Variants in DPP6 observed in about 807,000 individuals in gnomAD.
DPP6 encodes the protein A-type potassium channel modulatory protein DPP6.
DPP6 carries 69 observed loss-of-function variants against 122.6 expected under a neutral mutation model. That is an observed-to-expected ratio of 0.56 (90% CI 0.46 to 0.69). The LOEUF (loss-of-function observed/expected upper bound fraction) is 0.69. DPP6 is among the 30% of genes least tolerant of loss of function. The pLI, the probability that DPP6 is intolerant of heterozygous loss-of-function variation, is 0.00. For synonymous variants in DPP6, 418 were observed against 433.1 expected (o/e 0.97, Z 0.43); for missense variants, 928 against 1,116.9 (o/e 0.83, Z 2.41).
At chr7:154,846,487 G>T (rs1171390888) in intron 16 of DPP6, among the ~76,000 whole-genome samples, 1 of 152,220 alleles carries the variant, frequency 6.6e-6, no homozygotes, top group African/African-American at 2.4e-5. Context: ...TTAGCGGAAA[G>T]TCAGCTTCCT....
At chr7:154,211,908 A>G (rs931216296) in intron 1 of DPP6, among the ~76,000 whole-genome samples, 2 of 152,110 alleles carry the variant, frequency 1.3e-5, no homozygotes, top group Non-Finnish European at 2.9e-5. Flanking sequence ...CCCCATTATG[A>G]ATTGACGTGG....
chr7:154,610,334 G>A (rs972105110), intron 5 of DPP6, among the ~76,000 whole-genome samples: 3 of 152,070 alleles, frequency 2.0e-5, no homozygotes, highest in Non-Finnish European at 4.4e-5. Flanking sequence ...CAGAAATCTA[G>A]GTAAAAAATA....
At chr7:154,200,933 G>T (rs1345918402) in intron 1 of DPP6, among the ~76,000 whole-genome samples, 1 of 151,728 alleles carries the variant, frequency 6.6e-6, no homozygotes, top group Non-Finnish European at 1.5e-5. Flanking sequence ...CTTAGAATTG[G>T]TTTCCTTTAA....
chr7:154,073,019 T>C (rs1322500663), intron 1 of DPP6, among the ~76,000 whole-genome samples: 1 of 152,230 alleles, frequency 6.6e-6, no homozygotes, highest in Admixed American at 6.5e-5. Flanking sequence ...CACCCTCCTG[T>C]GAGTCCTCCT....
At chr7:154,278,437 G>A (rs959916289) in intron 1 of DPP6, among the ~76,000 whole-genome samples, 2 of 152,238 alleles carry the variant, frequency 1.3e-5, no homozygotes, top group Non-Finnish European at 2.9e-5. Context: ...TGGAACTCCA[G>A]CTGCTGCTGT....
In DPP6 at chr7:154,481,830, T is replaced by C. The variant is rs1823330990; in HGVS notation, c.457+6793T>C. On this transcript the variant is annotated intron_variant, in intron 3 of 25. Transcript: ENST00000377770. This position sits in a 1 kb window ranked among gnomAD's most constrained non-coding sequence, Gnocchi z 4.2. The stretch of plus-strand genomic sequence containing the variant: ...CATTGACTCTTCTGGTTTTGGATTC[T>C]CCTATATCCTGCACTGACCCTTTTG... Among the ~76,000 whole-genome samples the C allele has an allele frequency of 6.6e-6, 1 of 152,196 alleles. No individual in the cohort carries two copies. The highest frequency in any genetic ancestry group is 2.1e-4 in the South Asian group (1 of 4,830).
chr7:154,567,180 A>T (rs75374191), intron 5 of DPP6, among the ~76,000 whole-genome samples: 1 of 152,204 alleles, frequency 6.6e-6, no homozygotes, highest in African/African-American at 2.4e-5. Context: ...TTGTCTCTTC[A>T]TAGACACAAA....
At chr7:153,802,888 C>T in the DPP6 span, among the ~76,000 whole-genome samples, 1 of 152,132 alleles carries the variant, frequency 6.6e-6, no homozygotes, top group Non-Finnish European at 1.5e-5. Flanking sequence ...TGGTCTTGTC[C>T]AGCTGAAACA....
intron 1 of DPP6, among the ~76,000 whole-genome samples, chr7:154,192,770 G>A (rs948489997): frequency 1.4e-4 from 22 of 152,202 alleles, no homozygotes; most frequent in African/African-American, 5.1e-4. Flanking sequence ...ATAGAATCTC[G>A]TGCAAACAGG....
At chr7:154,153,320 G>C (rs1372074365) in intron 1 of DPP6, among the ~76,000 whole-genome samples, 2 of 152,092 alleles carry the variant, frequency 1.3e-5, no homozygotes, top group Non-Finnish European at 2.9e-5. Context: ...TAAGTAGCAG[G>C]GATTACAGGC....
intron 7 of DPP6, among the ~76,000 whole-genome samples, chr7:154,678,853 C>G (rs1839101757): frequency 6.6e-6 from 1 of 152,188 alleles, no homozygotes. Context: ...AGTCTGTTAA[C>G]TGAAGTAACA....
At chr7:154,666,891 T>G (rs1219188809) in intron 6 of DPP6, among the ~76,000 whole-genome samples, 1 of 152,174 alleles carries the variant, frequency 6.6e-6, no homozygotes, top group Non-Finnish European at 1.5e-5. Flanking sequence ...AGTGTGTACT[T>G]TATTAGGTAT....
intron 1 of DPP6, among the ~76,000 whole-genome samples, chr7:154,119,414 A>G (rs1420548316): frequency 6.6e-6 from 1 of 152,014 alleles, no homozygotes; most frequent in African/African-American, 2.4e-5. Flanking sequence ...AGAGAGGAAG[A>G]CAGGGGTTTA....
chr7:153,876,536 T>G, the DPP6 span, among the ~76,000 whole-genome samples: 9,488 of 152,120 alleles, frequency 0.062, 464 homozygotes, highest in East Asian at 0.23. Flanking sequence ...TTTAAATATT[T>G]GTAAATTATT....
chr7:153,965,891 C>T (rs1271076108), intron 1 of DPP6, among the ~76,000 whole-genome samples: 1 of 151,936 alleles, frequency 6.6e-6, no homozygotes, highest in African/African-American at 2.4e-5. Flanking sequence ...AAAAAAGTTA[C>T]CTGCTTTCAG....
At chr7:153,895,849 A>C (rs1799393289) in intron 1 of DPP6, among the ~76,000 whole-genome samples, 1 of 152,188 alleles carries the variant, frequency 6.6e-6, no homozygotes, top group African/African-American at 2.4e-5. Context: ...CTGTGGGTGC[A>C]ATCACTTTGA....
intron 1 of DPP6, among the ~76,000 whole-genome samples, chr7:153,888,276 T>C (rs979054995): frequency 1.3e-5 from 2 of 152,072 alleles, no homozygotes; most frequent in African/African-American, 2.4e-5. Flanking sequence ...GCTCCCTGGA[T>C]TGGGGACGCT....
At chr7:154,126,872 A>G (rs1456865609) in intron 1 of DPP6, among the ~76,000 whole-genome samples, 26 of 152,300 alleles carry the variant, frequency 1.7e-4, no homozygotes, top group Non-Finnish European at 3.7e-4. Flanking sequence ...CTTTCTGTGT[A>G]ATTTGAGTCA....
intron 8 of DPP6, among the ~76,000 whole-genome samples, chr7:154,745,937 A>G (rs1170185955): frequency 6.6e-6 from 1 of 152,166 alleles, no homozygotes; most frequent in Non-Finnish European, 1.5e-5. Flanking sequence ...TTGGGGATCA[A>G]ATTTCAACAC....
Sources: gnomAD v4.1 joint callset for allele counts (sites outside exome capture counted in the v4.1 genomes callset) on GRCh38, gnomAD v4.1.1 for gene constraint, Gnocchi (gnomAD v3.1) non-coding constraint, MANE v1.5 for transcripts, NCBI Gene and HGNC (gene_info 2026-07-23, HGNC 2026-07-21) for gene names.